The following CYTH3 variants were observed in gnomAD, a reference collection of about 807,000 sequenced individuals.
CYTH3 encodes cytohesin-3.
A neutral mutation model predicts 55.1 loss-of-function variants in CYTH3; 23 were observed. That is an observed-to-expected ratio of 0.42 (90% CI 0.30 to 0.59). The LOEUF (loss-of-function observed/expected upper bound fraction) is 0.59, where lower values mean the gene tolerates loss of function less well. Among genes scored for constraint, CYTH3 ranks in the 20% least tolerant of loss-of-function variants. CYTH3 has a pLI of 0.20. For synonymous variants in CYTH3, 249 were observed against 194.9 expected (o/e 1.28, Z -2.31); for missense variants, 413 against 524.8 (o/e 0.79, Z 2.08).
intron 4 of CYTH3, among the ~76,000 whole-genome samples, chr7:6,185,470 G>A (rs928243018): frequency 6.6e-6 from 1 of 152,090 alleles, no homozygotes; most frequent in Non-Finnish European, 1.5e-5. Flanking sequence ...GCCAAGGTGG[G>A]CAGATCACAA....
chr7:6,198,687 A>C (rs1261441683), intron 1 of CYTH3, among the ~76,000 whole-genome samples: 1 of 152,196 alleles, frequency 6.6e-6, no homozygotes, highest in Non-Finnish European at 1.5e-5. Context: ...TTGAATGGAT[A>C]AAGTAATATA....
At chr7:6,255,866 C>T (rs1024393353) in intron 1 of CYTH3, among the ~76,000 whole-genome samples, 2 of 149,844 alleles carry the variant, frequency 1.3e-5, no homozygotes, top group African/African-American at 2.5e-5. Flanking sequence ...CAGGTTAACG[C>T]GATTCTCCTG....
chr7:6,209,259 T>C (rs1260259139), intron 1 of CYTH3, among the ~76,000 whole-genome samples: 1 of 152,180 alleles, frequency 6.6e-6, no homozygotes, highest in Admixed American at 6.5e-5. Context: ...CAAACTCTCT[T>C]CTTGAATATT....
At position 6,207,086 on chromosome 7, in the gene CYTH3, C is replaced by CTTTT. The variant is rs58910123; in HGVS notation, c.35-16559_35-16556dup. Among the ~76,000 whole-genome samples, 31 of 104,052 alleles carry CTTTT rather than the reference C, an allele frequency of 3.0e-4. 1 individual carries two copies. Among genetic ancestry groups the CTTTT allele is most frequent in the East Asian group, 8.5e-4 (2 of 2,344 alleles). 68.3% of individuals were successfully genotyped at this position (104,052 alleles called of 152,430 possible). ...ATTTCACAGAAATTAAAATGTGCAA[C>CTTTT]TTTTTTTTTTTTTTTTTTTTTTTTT... On this transcript the variant is annotated intron_variant, in intron 1 of 12. Coordinates refer to ENST00000350796, the MANE Select transcript of CYTH3 (RefSeq NM_004227.4).
chr7:6,248,550 G>A (rs544642849), intron 1 of CYTH3, among the ~76,000 whole-genome samples: 22 of 152,284 alleles, frequency 1.4e-4, no homozygotes, highest in Non-Finnish European at 2.6e-4. Flanking sequence ...GGACTGTGGC[G>A]CCCAGGAGAA....
In CYTH3 at chr7:6,251,086, C is replaced by A. The variant is rs576153920; in HGVS notation, c.34+21388G>T. Among the ~76,000 whole-genome samples the A allele has an allele frequency of 1.1e-4, 17 of 152,254 alleles. No individual in the cohort carries two copies. In the South Asian group the frequency reaches 3.3e-3, roughly 30 times the overall value. On this transcript the variant is annotated intron_variant, in intron 1 of 12. Transcript: ENST00000350796. Reference sequence around the variant, plus strand: ...GGTCAGGAGTTCAAGACCAGCCTGGCCAACATGGTAAAACCCCATCTCCAC... The same window carrying A: ...GGTCAGGAGTTCAAGACCAGCCTGGACAACATGGTAAAACCCCATCTCCAC...
chr7:6,217,949 G>A (rs1459851432), intron 1 of CYTH3, among the ~76,000 whole-genome samples: 2 of 152,120 alleles, frequency 1.3e-5, no homozygotes, highest in African/African-American at 4.8e-5. Context: ...TTGGAAGGCC[G>A]AGGTGGGCAG....
chr7:6,195,940 A>C (rs559478707), intron 1 of CYTH3, among the ~76,000 whole-genome samples: 2 of 152,216 alleles, frequency 1.3e-5, no homozygotes, highest in African/African-American at 4.8e-5. Context: ...GGAGATCCAA[A>C]GTCATGCAAC....
chr7:6,246,536 T>A (rs1779821689), intron 1 of CYTH3, among the ~76,000 whole-genome samples: 1 of 152,212 alleles, frequency 6.6e-6, no homozygotes, highest in Admixed American at 6.5e-5. Flanking sequence ...GTGAACATCC[T>A]ACTTTGAATT....
intron 1 of CYTH3, among the ~76,000 whole-genome samples, chr7:6,231,797 T>C (rs1335075367): frequency 1.3e-5 from 2 of 152,164 alleles, no homozygotes; most frequent in African/African-American, 4.8e-5. Flanking sequence ...AAAATTGTCA[T>C]GTGAGCACAT....
In CYTH3 at chr7:6,242,463, G is replaced by A. The variant is rs376229738; in HGVS notation, c.34+30011C>T. Among the ~76,000 whole-genome samples the A allele has an allele frequency of 5.5e-5, 8 of 144,716 alleles. No homozygotes were observed. In the South Asian group the frequency reaches 1.1e-3, roughly 20 times the overall value. 94.9% of individuals were successfully genotyped at this position (144,716 alleles called of 152,430 possible). A position where few individuals can be genotyped will look rare whatever the true frequency, so the allele number is the denominator to read the frequency against. ...ACGATCTTGGCTCACTGCAACCTCCGCCTCCCAGGTTCAAGCGATTCTCCT... is the reference window on the plus strand; with the variant it reads ...ACGATCTTGGCTCACTGCAACCTCCACCTCCCAGGTTCAAGCGATTCTCCT... On this transcript the variant is annotated intron_variant, in intron 1 of 12. Coordinates refer to ENST00000350796, the MANE Select transcript of CYTH3 (RefSeq NM_004227.4).
intron 1 of CYTH3, among the ~76,000 whole-genome samples, chr7:6,237,966 G>C (rs1264501753): frequency 1.3e-5 from 2 of 152,198 alleles, no homozygotes; most frequent in Admixed American, 1.3e-4. Context: ...AATCAGTTTG[G>C]CTGAGATGTT....
At chr7:6,173,777 G>A (rs557534532) in intron 5 of CYTH3, 44 bp from the exon 6 acceptor site, 40 of 1,156,272 alleles carry the variant, frequency 3.5e-5, no homozygotes, top group South Asian at 1.1e-4. Context: ...GTACATTATC[G>A]CAATCATTTT....
chr7:6,246,737 T>A (rs1779830206), intron 1 of CYTH3, among the ~76,000 whole-genome samples: 1 of 151,376 alleles, frequency 6.6e-6, no homozygotes, highest in Non-Finnish European at 1.5e-5. Flanking sequence ...ATTGTTGGCA[T>A]TGTTACTGAA....
At chr7:6,241,289 C>T (rs550972278) in intron 1 of CYTH3, among the ~76,000 whole-genome samples, 56 of 152,238 alleles carry the variant, frequency 3.7e-4, no homozygotes, top group African/African-American at 1.2e-3. Context: ...CAAAGACCTT[C>T]GAGAATTTGA....
At chr7:6,203,411 A>T (rs575796830) in intron 1 of CYTH3, among the ~76,000 whole-genome samples, 1 of 152,344 alleles carries the variant, frequency 6.6e-6, no homozygotes, top group African/African-American at 2.4e-5. Flanking sequence ...GTTTCATGCA[A>T]AAAAACAAAA....
intron 4 of CYTH3, among the ~76,000 whole-genome samples, chr7:6,178,608 G>A (rs1007027582): frequency 2.0e-5 from 3 of 152,254 alleles, no homozygotes; most frequent in Non-Finnish European, 4.4e-5. Context: ...CCTGAGATGT[G>A]TACAGGGACC....
chr7:6,211,417 C>T (rs552942493), intron 1 of CYTH3, among the ~76,000 whole-genome samples: 3 of 152,248 alleles, frequency 2.0e-5, no homozygotes, highest in Non-Finnish European at 4.4e-5. Flanking sequence ...TCTACCACTT[C>T]ATTAGCTGTG....
chr7:6,190,346 GT>G (rs544153947), intron 2 of CYTH3, 102 bp downstream of exon 2: 104,486 of 604,024 alleles, frequency 0.17, no homozygotes, highest in East Asian at 0.21. Context: ...TTGTTTTTGG[GT>G]TTTTTTTTTT....
Sources: gnomAD v4.1 joint callset for allele counts (sites outside exome capture counted in the v4.1 genomes callset) on GRCh38, gnomAD v4.1.1 for gene constraint, MANE v1.5 for transcripts, NCBI Gene and HGNC (gene_info 2026-07-23, HGNC 2026-07-21) for gene names.